CLPX: variants seen among roughly 807,000 people sequenced by gnomAD.
CLPX encodes ATP-dependent clpX-like chaperone, mitochondrial.
Under a neutral mutation model 76.4 loss-of-function variants are expected in CLPX, and 34 were observed. That is an observed-to-expected ratio of 0.45 (90% CI 0.34 to 0.59). The LOEUF (loss-of-function observed/expected upper bound fraction) is 0.59, where lower values mean the gene tolerates loss of function less well. Among genes scored for constraint, CLPX ranks in the 20% least tolerant of loss-of-function variants. The pLI is 0.01. For missense variants in CLPX, 613 were observed against 757.0 expected, an observed-to-expected ratio of 0.81 and a Z score of 2.23; for synonymous variants, 248 against 270.9, an observed-to-expected ratio of 0.92 and a Z score of 0.83.
At position 65,156,831 on chromosome 15, in the gene CLPX, C is replaced by T. The variant is rs2946670; in HGVS notation, c.1146+13G>A. On this transcript the variant is annotated intron_variant, in intron 9 of 13. Transcript: ENST00000300107. The stretch of plus-strand genomic sequence containing the variant: ...CCTTTTAGTGGGCTTGAACAAAATA[C>T]TCAACTGCTTACTTGCTGAACGCCT... 1 allele frequency: 1,590,129 copies of T among 1,590,138 alleles called. 795,060 individuals carry two copies. Among genetic ancestry groups the T allele is most frequent in the Non-Finnish European group, 1 (1,158,842 of 1,158,842 alleles).
chr15:65,168,039 T>C lies in CLPX; in HGVS notation c.359-1254A>G, dbSNP rs189206561. 6.8e-3 allele frequency among the ~76,000 whole-genome samples: 1,041 copies of C among 152,134 alleles called. 8 individuals carry two copies. The highest frequency in any genetic ancestry group is 0.015 in the Admixed American group (235 of 15,268). On this transcript the variant is annotated intron_variant, in intron 3 of 13. Transcript: ENST00000300107. ...TGGATTTAAAGATAATCATGCAGAC[T>C]TTGAAAGCAATACAAAGGTAGTTTA... is the stretch of plus-strand genomic sequence containing the variant.
At chr15:65,157,594 TA>T in intron 8 of CLPX, 151 bp downstream of exon 8, 1 of 762,554 alleles carries the variant, frequency 1.3e-6, no homozygotes, top group Non-Finnish European at 2.0e-6. Flanking sequence ...ATGTGGCCCT[TA>T]ATCAGTATGC....
chr15:65,155,588 A>G (rs1246141149), intron 10 of CLPX, 104 bp downstream of exon 10: 1 of 980,554 alleles, frequency 1.0e-6, no homozygotes, highest in Non-Finnish European at 1.5e-6. Flanking sequence ...CCCAACTCTT[A>G]TAATTAAAAC....
intron 6 of CLPX, among the ~76,000 whole-genome samples, 170 bp downstream of exon 6, chr15:65,162,434 T>C (rs535289751): frequency 6.6e-6 from 1 of 152,302 alleles, no homozygotes; most frequent in Non-Finnish European, 1.5e-5. Context: ...TGAAAAACTA[T>C]TCCAAAGTTA....
intron 13 of CLPX, among the ~76,000 whole-genome samples, chr15:65,151,772 A>T (rs1433978723): frequency 1.3e-5 from 2 of 152,222 alleles, no homozygotes; most frequent in Non-Finnish European, 2.9e-5. Flanking sequence ...TTGGAACACA[A>T]GCAAACATAA....
intron 6 of CLPX, among the ~76,000 whole-genome samples, chr15:65,159,058 T>A (rs1006505604): frequency 6.6e-6 from 1 of 152,198 alleles, no homozygotes; most frequent in Non-Finnish European, 1.5e-5. Flanking sequence ...AGCCAGGAGT[T>A]AGAAAGCTTT....
chr15:65,164,854 A>C (rs1465499725), intron 4 of CLPX, among the ~76,000 whole-genome samples: 1 of 152,060 alleles, frequency 6.6e-6, no homozygotes, highest in Non-Finnish European at 1.5e-5. Context: ...GGGCTCAAGC[A>C]ATCTTCCTGC....
rs556161329 is a variant in CLPX, at chr15:65,162,660, G to A, written c.674-15C>T. The A allele has an allele frequency of 1.2e-5, 18 of 1,506,466 alleles. No individual in the cohort carries two copies. In the African/African-American group the frequency reaches 2.2e-4, roughly 18 times the overall value. 93.3% of individuals were successfully genotyped at this position (1,506,466 alleles called of 1,614,324 possible). A position where few individuals can be genotyped will look rare whatever the true frequency, so the allele number is the denominator to read the frequency against. On this transcript the variant is annotated splice_polypyrimidine_tract_variant and intron_variant, in intron 5 of 13. Transcript: ENST00000300107. ...TATTTCTAACTCTAAGAAAGAGGAT[G>A]AAAATATTACATATTTGTTTACCTT...
chr15:65,166,110 A>C (rs1006576438), intron 4 of CLPX, among the ~76,000 whole-genome samples: 26 of 152,192 alleles, frequency 1.7e-4, no homozygotes, highest in African/African-American at 5.5e-4. Flanking sequence ...TGAGACTTCT[A>C]AAGAGTCCAC....
intron 1 of CLPX, among the ~76,000 whole-genome samples, chr15:65,181,994 G>A (rs111302521): frequency 0.012 from 1,843 of 151,116 alleles, 15 homozygotes; most frequent in African/African-American, 0.025. Context: ...ATGGTGACAC[G>A]CGCCTGTAGT....
chr15:65,166,392 A>G (rs2087913099), intron 4 of CLPX, among the ~76,000 whole-genome samples: 1 of 152,166 alleles, frequency 6.6e-6, no homozygotes, highest in Non-Finnish European at 1.5e-5. Context: ...TAACATTTTA[A>G]TAATTATCTA....
intron 3 of CLPX, among the ~76,000 whole-genome samples, chr15:65,168,092 TCTTTTAA>T (rs1284465804): frequency 1.2e-4 from 18 of 151,600 alleles, no homozygotes; most frequent in Admixed American, 1.1e-3. Context: ...GTCTCTTTTT[TCTTTTAA>T]AAATTTTTGG....
In CLPX at chr15:65,150,912, C is replaced by A; in HGVS notation, c.1813G>T (p.Ala605Ser). 1 of 1,592,644 alleles carries A rather than the reference C, an allele frequency of 6.3e-7. No homozygotes were observed. ...EGKKEPGYIR[A>S]PTKESSEEEY... ...TCTTCAGAGGATTCTTTTGTTGGAG[C>A]CCTACAATGAAAAGCCATGTTTGTT... Residue 605 changes from alanine (A) to serine (S), a missense_variant and splice_region_variant, in exon 14 of 14, where the codon GCT becomes TCT. By Grantham distance (99) the Ala-to-Ser change is moderately conservative (BLOSUM62 1). Transcript: ENST00000300107.
intron 3 of CLPX, 55 bp from the exon 4 acceptor site, chr15:65,166,840 T>C (rs2140631256): frequency 6.5e-7 from 1 of 1,546,280 alleles, no homozygotes; most frequent in East Asian, 2.3e-5. Flanking sequence ...TCCAATAGTG[T>C]TTAACCTTAA....
Position 65,165,753 on chromosome 15 carries a change from C to T in CLPX, c.513+878G>A, listed in dbSNP as rs148741152. ...CACAAATTCGTATAGAATATAAAGCCCAATATATTTTCCATTTTTAATGAC... is the reference window on the plus strand; with the variant it reads ...CACAAATTCGTATAGAATATAAAGCTCAATATATTTTCCATTTTTAATGAC... On this transcript the variant is annotated intron_variant, in intron 4 of 13. Coordinates refer to ENST00000300107, the MANE Select transcript of CLPX (RefSeq NM_006660.5). 3.8e-3 allele frequency among the ~76,000 whole-genome samples: 579 copies of T among 151,616 alleles called. 2 individuals carry two copies. The highest frequency in any genetic ancestry group is 9.8e-3 in the Admixed American group (149 of 15,204).
intron 6 of CLPX, among the ~76,000 whole-genome samples, chr15:65,161,402 T>TTAGTTAGTTA (rs2087855399): frequency 6.6e-6 from 1 of 152,180 alleles, no homozygotes; most frequent in East Asian, 1.9e-4. Flanking sequence ...CCCCAGCCAG[T>TTAGTTAGTTA]GTTAGTTAAC....
intron 2 of CLPX, 130 bp downstream of exon 2, chr15:65,179,914 A>T: frequency 3.7e-6 from 2 of 534,156 alleles, no homozygotes; most frequent in Non-Finnish European, 6.1e-6. Flanking sequence ...ACATAAAATT[A>T]TTCAGATCAT....
rs1317110178 is a variant in CLPX, at chr15:65,183,881, T to C, written c.79+1194A>G. On this transcript the variant is annotated intron_variant, in intron 1 of 13. Transcript: ENST00000300107. Reference sequence around the variant, plus strand: ...TGGACCCTTGACAAATATTAATATATATCAGATAAATGGATTAAAATATGT... The same window carrying C: ...TGGACCCTTGACAAATATTAATATACATCAGATAAATGGATTAAAATATGT... 2.6e-5 allele frequency among the ~76,000 whole-genome samples: 4 copies of C among 152,348 alleles called. No individual in the cohort carries two copies. The East Asian group carries it at 5.8e-4, about 22-fold the overall frequency.
intron 3 of CLPX, among the ~76,000 whole-genome samples, chr15:65,177,791 C>T (rs1355203793): frequency 6.6e-6 from 1 of 152,046 alleles, no homozygotes; most frequent in Non-Finnish European, 1.5e-5. Flanking sequence ...AAGTAGGATA[C>T]ATGATTTTTT....
Sources: gnomAD v4.1 joint callset for allele counts (sites outside exome capture counted in the v4.1 genomes callset) on GRCh38, gnomAD v4.1.1 for gene constraint, MANE v1.5 for transcripts, NCBI Gene and HGNC (gene_info 2026-07-23, HGNC 2026-07-21) for gene names.